The following PEAK1 variants were observed in gnomAD, a reference collection of about 807,000 sequenced individuals.
The protein encoded by PEAK1 is pseudopodium enriched atypical kinase 1, also known as inactive tyrosine-protein kinase PEAK1.
PEAK1 carries 54 observed loss-of-function variants against 124.7 expected under a neutral mutation model. The ratio of observed to expected loss-of-function variants is 0.43; its 90% CI spans 0.35 to 0.54. The LOEUF (loss-of-function observed/expected upper bound fraction) is 0.54, where lower values mean the gene tolerates loss of function less well. Among genes scored for constraint, PEAK1 ranks in the 20% least tolerant of loss-of-function variants. The pLI, the probability that PEAK1 is intolerant of heterozygous loss-of-function variation, is 0.01. For synonymous variants in PEAK1, 719 were observed against 760.0 expected (o/e 0.95, Z 0.89); for missense variants, 2,046 against 2,134.5 (o/e 0.96, Z 0.82).
intron 2 of PEAK1, among the ~76,000 whole-genome samples, chr15:77,321,834 T>A (rs1200429257): frequency 1.3e-5 from 2 of 152,150 alleles, no homozygotes; most frequent in Non-Finnish European, 2.9e-5. Flanking sequence ...AACTTTTGTA[T>A]AAGGTGTAAG....
At chr15:77,242,635 T>C (rs1431895442) in intron 6 of PEAK1, among the ~76,000 whole-genome samples, 1 of 152,166 alleles carries the variant, frequency 6.6e-6, no homozygotes, top group Non-Finnish European at 1.5e-5. Context: ...TCTATTCTAA[T>C]TGTTTTTAGA....
At chr15:77,216,339 C>T (rs2059147404) in intron 6 of PEAK1, among the ~76,000 whole-genome samples, 1 of 152,170 alleles carries the variant, frequency 6.6e-6, no homozygotes, top group South Asian at 2.1e-4. Flanking sequence ...ACCAAATAAA[C>T]TCATACTAAG....
chr15:77,321,465 A>G (rs1416835799), intron 2 of PEAK1, among the ~76,000 whole-genome samples: 2 of 152,142 alleles, frequency 1.3e-5, no homozygotes, highest in South Asian at 2.1e-4. Context: ...CTTCTTTTGA[A>G]AAGTGTCTGT....
chr15:77,305,454 C>T (rs959938920), intron 2 of PEAK1, among the ~76,000 whole-genome samples: 4 of 151,914 alleles, frequency 2.6e-5, no homozygotes, highest in Non-Finnish European at 4.4e-5. Flanking sequence ...TGGCCAGAGG[C>T]GAAGGTCTAT....
chr15:77,126,091 G>C (rs138993270), intron 9 of PEAK1, among the ~76,000 whole-genome samples: 1 of 152,288 alleles, frequency 6.6e-6, no homozygotes, highest in Non-Finnish European at 1.5e-5. Context: ...TAATTGAAAA[G>C]ACATTAGGAC....
chr15:77,383,933 A>G (rs896746664), intron 1 of PEAK1, among the ~76,000 whole-genome samples: 5 of 152,226 alleles, frequency 3.3e-5, no homozygotes, highest in Non-Finnish European at 5.9e-5. Flanking sequence ...TCATGGAAAC[A>G]TACTTAGGAT....
Position 77,390,661 on chromosome 15 carries a change from T to A in PEAK1, c.-665-25436A>T, listed in dbSNP as rs185912350. Among the ~76,000 whole-genome samples, 4 of 152,378 alleles carry A rather than the reference T, an allele frequency of 2.6e-5. No homozygotes were observed. The East Asian group carries it at 7.7e-4, about 29-fold the overall frequency. The stretch of plus-strand genomic sequence containing the variant: ...ATATTTACTGAACATTGGTACTATG[T>A]GCCAGGCATGTTCTAAGCCCTTTGC... On this transcript the variant is annotated intron_variant, in intron 1 of 9. Transcript: ENST00000682557.
At chr15:77,348,108 GAAAC>G in intron 2 of PEAK1, 1 of 972,686 alleles carries the variant, frequency 1.0e-6, no homozygotes, top group Non-Finnish European at 1.2e-6. Flanking sequence ...AAAAAAGAAA[GAAAC>G]AACAATGGAG....
At chr15:77,411,638 C>T (rs535337821) in intron 1 of PEAK1, among the ~76,000 whole-genome samples, 4 of 152,178 alleles carry the variant, frequency 2.6e-5, no homozygotes, top group East Asian at 3.9e-4. Flanking sequence ...TACAGTCTTG[C>T]GATGTCACCT....
At chr15:77,335,900 A>T in intron 2 of PEAK1, 1 of 985,378 alleles carries the variant, frequency 1.0e-6, no homozygotes, top group Non-Finnish European at 1.2e-6. Context: ...CAATCATTGC[A>T]CTTCAGGAAA....
chr15:77,254,729 G>A (rs187363260), intron 5 of PEAK1, among the ~76,000 whole-genome samples: 62 of 152,202 alleles, frequency 4.1e-4, no homozygotes, highest in Non-Finnish European at 7.6e-4. Context: ...CACCATGCCC[G>A]CTGACATACT....
intron 2 of PEAK1, chr15:77,355,793 C>A: frequency 2.0e-6 from 2 of 985,368 alleles, no homozygotes; most frequent in South Asian, 9.4e-5. Context: ...ACCTCGATTC[C>A]AATTCCTGTA....
At chr15:77,336,537 A>G (rs557446902) in intron 2 of PEAK1, 3 of 985,448 alleles carry the variant, frequency 3.0e-6, no homozygotes, top group African/African-American at 3.5e-5. Flanking sequence ...GCCCACATGA[A>G]ATATAGAGTC....
intron 6 of PEAK1, among the ~76,000 whole-genome samples, chr15:77,199,321 A>G (rs1190135999): frequency 6.6e-6 from 1 of 152,200 alleles, no homozygotes; most frequent in Non-Finnish European, 1.5e-5. Flanking sequence ...TGAGTTCAAC[A>G]CTGTAGATAT....
chr15:77,168,413 C>A (rs1255869501), intron 7 of PEAK1, among the ~76,000 whole-genome samples: 2 of 152,168 alleles, frequency 1.3e-5, no homozygotes, highest in Admixed American at 6.5e-5. Flanking sequence ...CTGTAAAAGG[C>A]CACATGGTAA....
At chr15:77,285,831 G>A (rs1309688462) in intron 3 of PEAK1, among the ~76,000 whole-genome samples, 1 of 152,050 alleles carries the variant, frequency 6.6e-6, no homozygotes, top group East Asian at 1.9e-4. Flanking sequence ...ATTTTTTGAA[G>A]GGTTTTTCGT....
At chr15:77,378,027 T>G (rs911898690) in intron 1 of PEAK1, among the ~76,000 whole-genome samples, 1 of 152,118 alleles carries the variant, frequency 6.6e-6, no homozygotes. Context: ...ACTGGGCAAG[T>G]TGAGACCAAG....
At chr15:77,398,118 T>A (rs1232031341) in intron 1 of PEAK1, among the ~76,000 whole-genome samples, 1 of 152,020 alleles carries the variant, frequency 6.6e-6, no homozygotes, top group Non-Finnish European at 1.5e-5. Context: ...TAATAAAAAG[T>A]CATCCAGCAA....
intron 7 of PEAK1, chr15:77,178,504 T>C: frequency 2.3e-6 from 1 of 428,102 alleles, no homozygotes; most frequent in Non-Finnish European, 4.1e-6. Flanking sequence ...TATTTATTGC[T>C]ATTAAGGTGT....
Sources: gnomAD v4.1 joint callset for allele counts (sites outside exome capture counted in the v4.1 genomes callset) on GRCh38, gnomAD v4.1.1 for gene constraint, MANE v1.5 for transcripts, NCBI Gene and HGNC (gene_info 2026-07-23, HGNC 2026-07-21) for gene names.